Variants in MRTFA observed in about 807,000 individuals in gnomAD.
MRTFA encodes myocardin-related transcription factor A.
MRTFA carries 20 observed loss-of-function variants against 83.5 expected under a neutral mutation model. That is an observed-to-expected ratio of 0.24 (90% CI 0.17 to 0.35). The LOEUF is 0.35. Among genes scored for constraint, MRTFA ranks in the 10% least tolerant of loss-of-function variants. The pLI is 1.00. For missense variants in MRTFA, 1,200 were observed against 1,224.7 expected, an observed-to-expected ratio of 0.98 and a Z score of 0.30; for synonymous variants, 659 against 541.2, an observed-to-expected ratio of 1.22 and a Z score of -3.02.
chr22:40,515,552 G>A (rs1161752956), intron 3 of MRTFA, among the ~76,000 whole-genome samples: 1 of 152,036 alleles, frequency 6.6e-6, no homozygotes, highest in African/African-American at 2.4e-5. Context: ...AACTGGCTGG[G>A]CGTGGTGGCA....
chr22:40,546,349 T>C (rs776146369), intron 3 of MRTFA, among the ~76,000 whole-genome samples: 1 of 152,208 alleles, frequency 6.6e-6, no homozygotes, highest in Non-Finnish European at 1.5e-5. Context: ...CAGAGAAAGA[T>C]AGCAAAAGCT....
intron 1 of MRTFA, among the ~76,000 whole-genome samples, chr22:40,610,366 A>G (rs1230488258): frequency 1.3e-5 from 2 of 151,948 alleles, no homozygotes; most frequent in Non-Finnish European, 2.9e-5. Flanking sequence ...CCTCATTCTT[A>G]TATTCCTGTT....
At position 40,411,364 on chromosome 22, in the gene MRTFA, T is replaced by TC; in HGVS notation, c.*25dup. ...TGGAGTACCCTGGCTCCCAGCCCCT[T>TC]CCCCACCCCGTCTTGAGCCAGAGAG... is the stretch of plus-strand genomic sequence containing the variant. On this transcript the variant is annotated 3_prime_UTR_variant, in exon 15 of 15. Coordinates refer to ENST00000355630, the MANE Select transcript of MRTFA (RefSeq NM_020831.6). The TC allele has an allele frequency of 2.0e-6, 3 of 1,532,862 alleles. No homozygotes were observed. Among genetic ancestry groups the TC allele is most frequent in the Non-Finnish European group, 2.6e-6 (3 of 1,133,148 alleles). 95.0% of individuals were successfully genotyped at this position (1,532,862 alleles called of 1,614,324 possible).
At chr22:40,621,941 G>A (rs2056527738) in intron 1 of MRTFA, among the ~76,000 whole-genome samples, 1 of 152,142 alleles carries the variant, frequency 6.6e-6, no homozygotes, top group Non-Finnish European at 1.5e-5. Context: ...TTTAGATAAT[G>A]AGACTTTAAA....
intron 14 of MRTFA, among the ~76,000 whole-genome samples, chr22:40,414,260 T>C (rs1274921299): frequency 6.6e-6 from 1 of 152,160 alleles, no homozygotes; most frequent in Non-Finnish European, 1.5e-5. Context: ...GGAGAATTGC[T>C]TGAACCCCAG....
intron 3 of MRTFA, among the ~76,000 whole-genome samples, chr22:40,531,166 A>G (rs2055072616): frequency 6.6e-6 from 1 of 151,600 alleles, no homozygotes; most frequent in African/African-American, 2.4e-5. Context: ...TGGCATGATC[A>G]TAGCTTGTTG....
intron 5 of MRTFA, among the ~76,000 whole-genome samples, chr22:40,434,602 G>A (rs1023473080): frequency 6.6e-6 from 1 of 152,028 alleles, no homozygotes. Context: ...GGAGCCTGTA[G>A]GTCCAGTTAC....
At chr22:40,533,893 T>G (rs1366911733) in intron 3 of MRTFA, 2 of 337,418 alleles carry the variant, frequency 5.9e-6, no homozygotes, top group Non-Finnish European at 1.1e-5. Context: ...GTTAGAACAG[T>G]GAGCAAGCTC....
chr22:40,600,742 G>A (rs1303289382), intron 1 of MRTFA, among the ~76,000 whole-genome samples: 1 of 152,216 alleles, frequency 6.6e-6, no homozygotes. Flanking sequence ...AACTTTGGGA[G>A]GCCGAGGCAG....
chr22:40,429,452 G>GC (rs1381016940), intron 7 of MRTFA, 154 bp downstream of exon 7: 1 of 825,280 alleles, frequency 1.2e-6, no homozygotes, highest in Middle Eastern at 2.2e-4. Flanking sequence ...TGTGCATGAG[G>GC]CTCTCAAACT....
chr22:40,498,156 A>T (rs1276264498), intron 3 of MRTFA, among the ~76,000 whole-genome samples: 1 of 149,850 alleles, frequency 6.7e-6, no homozygotes, highest in Admixed American at 6.7e-5. Context: ...AAAAGAATGC[A>T]CTTTACTATA....
rs183255977 is a variant in MRTFA, at chr22:40,584,669, G to T, written c.-22+10005C>A. On this transcript the variant is annotated intron_variant, in intron 2 of 14. Transcript: ENST00000355630. ...GAGAATCACCCAGGAGGCAGAGGTTGTGGTGAGCCAAAATCGCACCATTGC... is the reference window on the plus strand; with the variant it reads ...GAGAATCACCCAGGAGGCAGAGGTTTTGGTGAGCCAAAATCGCACCATTGC... 1.0e-3 allele frequency among the ~76,000 whole-genome samples: 157 copies of T among 150,858 alleles called. No homozygotes were observed. In the Middle Eastern group the frequency reaches 0.021, roughly 20 times the overall value.
chr22:40,573,159 G>A (rs144089827), intron 2 of MRTFA, among the ~76,000 whole-genome samples: 2 of 152,276 alleles, frequency 1.3e-5, no homozygotes, highest in Non-Finnish European at 2.9e-5. Flanking sequence ...TTTCTTTTTG[G>A]GATGATGAAA....
At chr22:40,523,893 G>T (rs1366145742) in intron 3 of MRTFA, among the ~76,000 whole-genome samples, 1 of 151,978 alleles carries the variant, frequency 6.6e-6, no homozygotes, top group Non-Finnish European at 1.5e-5. Flanking sequence ...TAATCTTATC[G>T]ATTCCCAAGA....
chr22:40,487,061 A>G (rs1413397054), intron 3 of MRTFA, among the ~76,000 whole-genome samples: 1 of 152,174 alleles, frequency 6.6e-6, no homozygotes, highest in Non-Finnish European at 1.5e-5. Flanking sequence ...TAAACTTCAT[A>G]TATACTTGTG....
intron 3 of MRTFA, among the ~76,000 whole-genome samples, chr22:40,532,003 T>G (rs2055090058): frequency 6.6e-6 from 1 of 152,200 alleles, no homozygotes; most frequent in African/African-American, 2.4e-5. Context: ...CAGCAGACCC[T>G]TCATTCTACC....
chr22:40,519,473 C>G, intron 3 of MRTFA: 1 of 1,341,228 alleles, frequency 7.5e-7, no homozygotes, highest in Non-Finnish European at 9.9e-7. Flanking sequence ...CCAGTGCTGC[C>G]CTCTCTTCTC....
intron 3 of MRTFA, among the ~76,000 whole-genome samples, chr22:40,479,094 T>G (rs944914999): frequency 6.6e-6 from 1 of 152,134 alleles, no homozygotes; most frequent in African/African-American, 2.4e-5. Flanking sequence ...AAGAGCAGCC[T>G]GTAAAGTTGA....
intron 3 of MRTFA, among the ~76,000 whole-genome samples, chr22:40,537,154 G>A (rs2055198397): frequency 2.3e-5 from 1 of 42,680 alleles, no homozygotes; most frequent in African/African-American, 8.7e-5. Flanking sequence ...ACGTCCGGGA[G>A]GTGAGGGGCG....
Sources: gnomAD v4.1 joint callset for allele counts (sites outside exome capture counted in the v4.1 genomes callset) on GRCh38, gnomAD v4.1.1 for gene constraint, MANE v1.5 for transcripts, NCBI Gene and HGNC (gene_info 2026-07-23, HGNC 2026-07-21) for gene names.